Variants in PCDH15 observed in about 807,000 individuals in gnomAD.
The protein encoded by PCDH15 is protocadherin-15.
A neutral mutation model predicts 178.5 loss-of-function variants in PCDH15; 129 were observed. The ratio of observed to expected loss-of-function variants is 0.72; its 90% confidence interval spans 0.63 to 0.84. The LOEUF (loss-of-function observed/expected upper bound fraction) is 0.84, where lower values mean the gene tolerates loss of function less well. Ranked by LOEUF, PCDH15 falls within the 40% of genes least tolerant of loss-of-function variation. The pLI, the probability that PCDH15 is intolerant of heterozygous loss-of-function variation, is 0.00. For missense variants in PCDH15, 2,230 were observed against 2,099.9 expected, an observed-to-expected ratio of 1.06 and a Z score of -1.21; for synonymous variants, 800 against 732.0, an observed-to-expected ratio of 1.09 and a Z score of -1.50.
At chr10:55,151,972 A>T (rs1440058609) in intron 2 of PCDH15, among the ~76,000 whole-genome samples, 1 of 152,040 alleles carries the variant, frequency 6.6e-6, no homozygotes, top group African/African-American at 2.4e-5. Context: ...ACTGAGTTGA[A>T]CTGTGAGTGC....
intron 2 of PCDH15, among the ~76,000 whole-genome samples, chr10:55,548,842 A>G (rs1247203619): frequency 6.6e-6 from 1 of 152,154 alleles, no homozygotes; most frequent in African/African-American, 2.4e-5. Flanking sequence ...GGGTTGAAGA[A>G]TATATAGAAA....
intron 1 of PCDH15, among the ~76,000 whole-genome samples, chr10:55,193,067 T>A (rs1349291642): frequency 1.3e-5 from 2 of 150,542 alleles, no homozygotes; most frequent in African/African-American, 4.9e-5. Flanking sequence ...TACTTAAAAA[T>A]TTACTTGCTA....
chr10:54,360,142 C>T (rs1375733956), intron 5 of PCDH15, among the ~76,000 whole-genome samples: 3 of 152,002 alleles, frequency 2.0e-5, no homozygotes, highest in Admixed American at 6.6e-5. Flanking sequence ...CATTAGACCT[C>T]CCAGGTAGTA....
At chr10:54,731,563 T>TACACACACACAC (rs1159070523) in intron 1 of PCDH15, among the ~76,000 whole-genome samples, 529 of 49,908 alleles carry the variant, frequency 0.011, 19 homozygotes, top group African/African-American at 0.031. Flanking sequence ...TATATATATA[T>TACACACACACAC]ACACACACAC....
At chr10:54,219,206 C>A (rs755550934) in intron 9 of PCDH15, among the ~76,000 whole-genome samples, 2 of 142,592 alleles carry the variant, frequency 1.4e-5, no homozygotes, top group East Asian at 2.1e-4. Context: ...ACCAAGGAGG[C>A]TGAGCTTGCA....
chr10:54,782,494 C>T lies in PCDH15; in HGVS notation c.-29+18431G>A, dbSNP rs1314934919. Among the ~76,000 whole-genome samples the T allele has an allele frequency of 2.0e-5, 3 of 152,112 alleles. No individual in the cohort carries two copies. In the East Asian group the frequency reaches 5.8e-4, roughly 29 times the overall value. On this transcript the variant is annotated intron_variant, in intron 1 of 37. Coordinates refer to ENST00000644397, the MANE Select transcript of PCDH15 (RefSeq NM_001384140.1). Reference sequence around the variant, plus strand: ...GTAATGTAAAACGTAAAAGTACTAACCTACCAAATCTGTTCTTTTTCTAAT... The same window carrying T: ...GTAATGTAAAACGTAAAAGTACTAATCTACCAAATCTGTTCTTTTTCTAAT...
rs540789894 is a variant in PCDH15 at position 53,879,748 on chromosome 10, G to A, written c.3502-12891C>T. 7.9e-5 allele frequency among the ~76,000 whole-genome samples: 12 copies of A among 152,256 alleles called. No homozygotes were observed. The South Asian group carries it at 2.3e-3, about 29-fold the overall frequency. ...GCCTCTCGAGTACCAGGGACTACAG[G>A]CGCGCACCACCACGCCTGGCTAATT... On this transcript the variant is annotated intron_variant, in intron 26 of 37. Transcript: ENST00000644397.
At chr10:54,899,031 C>T (rs910442129) in intron 2 of PCDH15, among the ~76,000 whole-genome samples, 4 of 152,064 alleles carry the variant, frequency 2.6e-5, no homozygotes, top group Non-Finnish European at 5.9e-5. Flanking sequence ...GCAGCACATT[C>T]ATAACAAGCC....
chr10:53,931,660 G>A (rs561796187), intron 25 of PCDH15, among the ~76,000 whole-genome samples: 8 of 152,054 alleles, frequency 5.3e-5, no homozygotes, highest in African/African-American at 1.9e-4. Context: ...GCTAATATGG[G>A]CTAATATCTT....
intron 2 of PCDH15, among the ~76,000 whole-genome samples, chr10:54,656,274 A>G (rs1779861000): frequency 6.6e-6 from 1 of 152,082 alleles, no homozygotes; most frequent in Admixed American, 6.5e-5. Context: ...GCTAGGGTAC[A>G]GAAAAAGAAA....
intron 8 of PCDH15, among the ~76,000 whole-genome samples, chr10:54,249,451 G>A (rs2056286794): frequency 6.6e-6 from 1 of 152,096 alleles, no homozygotes; most frequent in Admixed American, 6.5e-5. Flanking sequence ...TTGGTCACTA[G>A]CATAATTTAC....
chr10:54,720,518 C>CAAA (rs34014038), intron 1 of PCDH15, among the ~76,000 whole-genome samples: 11 of 149,428 alleles, frequency 7.4e-5, no homozygotes, highest in African/African-American at 2.7e-4. Context: ...TAGTCTCTTC[C>CAAA]AAAAAAAAAT....
chr10:55,313,074 T>C (rs1470442702), intron 1 of PCDH15, among the ~76,000 whole-genome samples: 1 of 152,176 alleles, frequency 6.6e-6, no homozygotes, highest in Non-Finnish European at 1.5e-5. Flanking sequence ...AAAATGTACT[T>C]AGGAGTTCCT....
At chr10:55,129,760 A>G (rs993758035) in intron 2 of PCDH15, among the ~76,000 whole-genome samples, 4 of 152,166 alleles carry the variant, frequency 2.6e-5, no homozygotes, top group Admixed American at 2.6e-4. Flanking sequence ...TTGATTTACC[A>G]GATATTTATT....
intron 3 of PCDH15, among the ~76,000 whole-genome samples, chr10:54,504,732 A>C (rs2081021747): frequency 6.6e-6 from 1 of 152,242 alleles, no homozygotes; most frequent in Non-Finnish European, 1.5e-5. Context: ...TACATATATA[A>C]ATTTGAACAC....
chr10:54,278,896 G>A (rs547746471), intron 8 of PCDH15, among the ~76,000 whole-genome samples: 17 of 151,580 alleles, frequency 1.1e-4, no homozygotes, highest in African/African-American at 3.9e-4. Context: ...TTCTTAGTTC[G>A]AGACTCACTT....
chr10:54,947,049 TTTAAAATGCA>T (rs1220644541), intron 2 of PCDH15, among the ~76,000 whole-genome samples: 1 of 151,902 alleles, frequency 6.6e-6, no homozygotes, highest in Non-Finnish European at 1.5e-5. Flanking sequence ...GACTGAGTAA[TTTAAAATGCA>T]TTACAATAGG....
chr10:54,743,243 A>G (rs1446619186), intron 1 of PCDH15, among the ~76,000 whole-genome samples: 1 of 152,082 alleles, frequency 6.6e-6, no homozygotes, highest in Non-Finnish European at 1.5e-5. Context: ...AAGATTGTAG[A>G]TTCATCTTTT....
intron 17 of PCDH15, among the ~76,000 whole-genome samples, chr10:54,074,374 A>T (rs1457777233): frequency 1.3e-5 from 2 of 152,200 alleles, no homozygotes; most frequent in Non-Finnish European, 2.9e-5. Context: ...TCTGGCAACC[A>T]TCATTCTACT....
Sources: allele counts gnomAD v4.1 joint callset (sites outside exome capture counted in the v4.1 genomes callset), GRCh38; gene constraint gnomAD v4.1.1; transcripts MANE v1.5; gene names NCBI Gene and HGNC (gene_info 2026-07-23, HGNC 2026-07-21).